Variants in FARS2 observed in about 807,000 individuals in gnomAD.
FARS2 encodes phenylalanine--tRNA ligase, mitochondrial.
Under a neutral mutation model 46.4 loss-of-function variants are expected in FARS2, and 40 were observed. That is an observed-to-expected ratio of 0.86 (90% CI 0.67 to 1.12). The LOEUF (loss-of-function observed/expected upper bound fraction) is 1.12, where lower values mean the gene tolerates loss of function less well. FARS2 is among the 50% of genes most tolerant of loss of function. The pLI is 0.00. For missense variants in FARS2, 513 were observed against 567.9 expected, an observed-to-expected ratio of 0.90 and a Z score of 0.98; for synonymous variants, 234 against 214.9, an observed-to-expected ratio of 1.09 and a Z score of -0.78.
intron 5 of FARS2, chr6:5,609,132 A>C (rs1775020602): frequency 2.9e-6 from 2 of 700,272 alleles, no homozygotes; most frequent in East Asian, 5.6e-5. Context: ...AGGCCCTGCC[A>C]CCACTGTGCT....
chr6:5,756,385 G>T (rs1376970788), intron 6 of FARS2, among the ~76,000 whole-genome samples: 1 of 152,216 alleles, frequency 6.6e-6, no homozygotes, highest in Admixed American at 6.5e-5. Context: ...AAGAAAAGAG[G>T]TTTAATTGAC....
intron 4 of FARS2, among the ~76,000 whole-genome samples, chr6:5,456,673 G>A (rs1330518651): frequency 7.3e-6 from 1 of 137,902 alleles, no homozygotes; most frequent in Non-Finnish European, 1.5e-5. Context: ...GGAGGTTGCA[G>A]TGAGCCGAGA....
At chr6:5,577,359 T>A (rs200858550) in intron 5 of FARS2, among the ~76,000 whole-genome samples, 1 of 28,132 alleles carries the variant, frequency 3.6e-5, no homozygotes, top group East Asian at 6.6e-4. Context: ...AGAGAGTGAG[T>A]GTGTGTGTGT....
intron 1 of FARS2, among the ~76,000 whole-genome samples, chr6:5,316,661 G>A (rs1769538562): frequency 6.6e-6 from 1 of 152,200 alleles, no homozygotes; most frequent in African/African-American, 2.4e-5. Context: ...CACTGGCTTT[G>A]AGAGTTAAAG....
intron 6 of FARS2, among the ~76,000 whole-genome samples, chr6:5,717,568 G>T (rs569412557): frequency 3.9e-5 from 6 of 152,140 alleles, no homozygotes; most frequent in Admixed American, 2.0e-4. Context: ...TGAATCTAGA[G>T]GCTTGATCAG....
At chr6:5,633,628 A>G (rs960855753) in intron 6 of FARS2, among the ~76,000 whole-genome samples, 4 of 152,140 alleles carry the variant, frequency 2.6e-5, no homozygotes, top group Admixed American at 6.5e-5. Context: ...AATGTATAGG[A>G]TAAACTTGCA....
chr6:5,710,259 C>T (rs1759057005), intron 6 of FARS2, among the ~76,000 whole-genome samples: 1 of 152,190 alleles, frequency 6.6e-6, no homozygotes, highest in Non-Finnish European at 1.5e-5. Flanking sequence ...ACATCCCTCC[C>T]TTGGTCAGGA....
At chr6:5,707,579 T>G (rs1423270287) in intron 6 of FARS2, among the ~76,000 whole-genome samples, 1 of 152,222 alleles carries the variant, frequency 6.6e-6, no homozygotes, top group African/African-American at 2.4e-5. Context: ...CCGGGCAGCA[T>G]CAGGCTCCCT....
chr6:5,550,183 T>C (rs1336287312), intron 5 of FARS2, among the ~76,000 whole-genome samples: 1 of 152,192 alleles, frequency 6.6e-6, no homozygotes, highest in Non-Finnish European at 1.5e-5. Context: ...AATTCAGCCA[T>C]TAGGTTTCAA....
chr6:5,353,726 G>GTTTTGTTTTTTTTTTTTT (rs1757721834), intron 1 of FARS2, among the ~76,000 whole-genome samples: 1 of 40,362 alleles, frequency 2.5e-5, no homozygotes, highest in African/African-American at 9.7e-5. Flanking sequence ...AATATTTGGT[G>GTTTTGTTTTTTTTTTTTT]TTTTTTTTTT....
intron 5 of FARS2, among the ~76,000 whole-genome samples, chr6:5,582,132 T>G: frequency 7.1e-6 from 1 of 140,986 alleles, no homozygotes; most frequent in South Asian, 2.7e-4. Flanking sequence ...GTAACATACT[T>G]CCGGTTAATT....
intron 4 of FARS2, among the ~76,000 whole-genome samples, chr6:5,517,901 C>T (rs1374695756): frequency 2.0e-5 from 3 of 152,126 alleles, no homozygotes; most frequent in South Asian, 2.1e-4. Context: ...TGTAAGTCCC[C>T]GCCTTGGCCT....
At chr6:5,383,889 T>C (rs1199511947) in intron 2 of FARS2, among the ~76,000 whole-genome samples, 1 of 152,204 alleles carries the variant, frequency 6.6e-6, no homozygotes, top group African/African-American at 2.4e-5. Flanking sequence ...TGTCCTGTTA[T>C]ATTTTGCCCA....
intron 3 of FARS2, among the ~76,000 whole-genome samples, chr6:5,420,056 G>A (rs1024319420): frequency 1.3e-5 from 2 of 152,174 alleles, no homozygotes; most frequent in African/African-American, 2.4e-5. Context: ...GTGGCAGAAG[G>A]CGAAAGACAC....
At chr6:5,613,991 G>C (rs187694485) in intron 6 of FARS2, among the ~76,000 whole-genome samples, 1 of 152,212 alleles carries the variant, frequency 6.6e-6, no homozygotes, top group African/African-American at 2.4e-5. Flanking sequence ...GAGTCCTGGG[G>C]GGAAAAGGGC....
chr6:5,346,476 A>C (rs1342997536), intron 1 of FARS2, among the ~76,000 whole-genome samples: 1 of 152,178 alleles, frequency 6.6e-6, no homozygotes, highest in African/African-American at 2.4e-5. Context: ...GCCCCTGAGC[A>C]TCCCCTGAGG....
chr6:5,423,947 C>G (rs563708787), intron 3 of FARS2, among the ~76,000 whole-genome samples: 23 of 152,220 alleles, frequency 1.5e-4, no homozygotes, highest in African/African-American at 5.3e-4. Flanking sequence ...ATGCTTCAGG[C>G]CTTAAAAGTG....
intron 6 of FARS2, among the ~76,000 whole-genome samples, chr6:5,688,557 G>A (rs1301768827): frequency 1.3e-5 from 2 of 152,216 alleles, no homozygotes; most frequent in Non-Finnish European, 2.9e-5. Flanking sequence ...AAGCCCACTT[G>A]ATCATGGTGG....
At chr6:5,392,050 T>C (rs1562006621) in intron 2 of FARS2, among the ~76,000 whole-genome samples, 1 of 152,200 alleles carries the variant, frequency 6.6e-6, no homozygotes, top group Non-Finnish European at 1.5e-5. Flanking sequence ...TGGAAATTAA[T>C]TTAATTTCAA....
Sources: gnomAD v4.1 joint callset for allele counts (sites outside exome capture counted in the v4.1 genomes callset) on GRCh38, gnomAD v4.1.1 for gene constraint, MANE v1.5 for transcripts, NCBI Gene and HGNC (gene_info 2026-07-23, HGNC 2026-07-21) for gene names.